BMPR1B: variants seen among roughly 807,000 people sequenced by gnomAD.
BMPR1B encodes bone morphogenetic protein receptor type-1B.
A neutral mutation model predicts 59.1 loss-of-function variants in BMPR1B; 12 were observed. The observed-to-expected ratio is 0.20, with a 90% confidence interval of 0.13 to 0.33. The LOEUF (loss-of-function observed/expected upper bound fraction) is 0.33. BMPR1B is among the 10% of genes least tolerant of loss of function. BMPR1B has a pLI of 1.00. For synonymous variants in BMPR1B, 237 were observed against 207.3 expected (o/e 1.14, Z -1.23); for missense variants, 550 against 610.9 (o/e 0.90, Z 1.05).
intron 1 of BMPR1B, among the ~76,000 whole-genome samples, chr4:94,845,132 TATATC>T (rs1429437391): frequency 9.9e-5 from 15 of 152,228 alleles, no homozygotes; most frequent in Admixed American, 7.8e-4. Flanking sequence ...ATAAAATAAA[TATATC>T]ATAGATGAAA....
intron 2 of BMPR1B, among the ~76,000 whole-genome samples, chr4:94,955,529 T>C (rs2149060041): frequency 6.6e-6 from 1 of 152,266 alleles, no homozygotes; most frequent in South Asian, 2.1e-4. Flanking sequence ...GCTAATAATG[T>C]TAATACTAAT....
At chr4:94,944,532 A>G (rs2149047418) in intron 2 of BMPR1B, among the ~76,000 whole-genome samples, 1 of 152,332 alleles carries the variant, frequency 6.6e-6, no homozygotes, top group South Asian at 2.1e-4. Context: ...GTAGACATGT[A>G]TGTGATAACT....
At chr4:94,821,048 T>TTTATAAACAGTGACTTAAGTG (rs1465210022) in intron 1 of BMPR1B, among the ~76,000 whole-genome samples, 7 of 152,240 alleles carry the variant, frequency 4.6e-5, no homozygotes, top group Admixed American at 4.6e-4. Context: ...CTGGAACCAG[T>TTTATAAACAGTGACTTAAGTG]ACTTAAGTGT....
chr4:95,084,325 G>C (rs1254135925), intron 3 of BMPR1B, among the ~76,000 whole-genome samples: 1 of 151,620 alleles, frequency 6.6e-6, no homozygotes, highest in Non-Finnish European at 1.5e-5. Flanking sequence ...ATACGTGTGT[G>C]TGTATGTATA....
At chr4:95,116,421 G>GCGCGCACACATACACACACACACACACA in intron 6 of BMPR1B, among the ~76,000 whole-genome samples, 1 of 123,198 alleles carries the variant, frequency 8.1e-6, no homozygotes, top group African/African-American at 3.6e-5. Context: ...TTCAGCGCGC[G>GCGCGCACACATACACACACACACACACA]CACACACACA....
At chr4:94,866,018 A>G (rs1449745052) in intron 1 of BMPR1B, among the ~76,000 whole-genome samples, 1 of 152,176 alleles carries the variant, frequency 6.6e-6, no homozygotes, top group African/African-American at 2.4e-5. Flanking sequence ...GCTTATGCCT[A>G]AACCTTTGGC....
intron 1 of BMPR1B, among the ~76,000 whole-genome samples, chr4:94,761,547 A>C (rs956742108): frequency 2.0e-5 from 3 of 151,480 alleles, no homozygotes; most frequent in Non-Finnish European, 4.4e-5. Flanking sequence ...TACCAGTTTA[A>C]CTCCCAGAAC....
At chr4:94,913,009 G>A (rs1390629202) in intron 2 of BMPR1B, among the ~76,000 whole-genome samples, 1 of 150,976 alleles carries the variant, frequency 6.6e-6, no homozygotes, top group Admixed American at 6.6e-5. Flanking sequence ...TGTTAAAATT[G>A]TTTAAAATTC....
chr4:94,971,225 T>C (rs1223296582), intron 2 of BMPR1B, among the ~76,000 whole-genome samples: 1 of 152,176 alleles, frequency 6.6e-6, no homozygotes, highest in African/African-American at 2.4e-5. Flanking sequence ...TGGATGTGTT[T>C]TAGATGAGTT....
At chr4:94,766,963 A>G (rs1452940055) in intron 1 of BMPR1B, among the ~76,000 whole-genome samples, 1 of 152,140 alleles carries the variant, frequency 6.6e-6, no homozygotes, top group African/African-American at 2.4e-5. Context: ...CCTTATTTTA[A>G]GTATTCTCGG....
chr4:94,801,318 C>T (rs1429610772), intron 1 of BMPR1B, among the ~76,000 whole-genome samples: 1 of 152,156 alleles, frequency 6.6e-6, no homozygotes, highest in African/African-American at 2.4e-5. Context: ...GGAAACTATT[C>T]CTCTCAGCTA....
At chr4:94,985,547 GTGTGTGTGTGTTGGCCA>G (rs1484907795) in intron 2 of BMPR1B, among the ~76,000 whole-genome samples, 1 of 140,482 alleles carries the variant, frequency 7.1e-6, no homozygotes, top group Non-Finnish European at 1.6e-5. Flanking sequence ...GTGTGTGTGT[GTGTGTGTGTGTTGGCCA>G]TTGTCAACAA....
At position 94,800,486 on chromosome 4, in the gene BMPR1B, T is replaced by C. The variant is rs542926183; in HGVS notation, c.-183+42418T>C. On this transcript the variant is annotated intron_variant, in intron 1 of 12. Transcript: ENST00000515059. ...TTTTTTTGGTCAGCAAGTGGCCTTT[T>C]AGTGAAAAAGACAAGGACTGTTAAG... Among the ~76,000 whole-genome samples the C allele has an allele frequency of 2.7e-5, 4 of 150,850 alleles. No individual in the cohort carries two copies. The East Asian group carries it at 7.8e-4, about 29-fold the overall frequency.
rs187853943 is a variant in BMPR1B at position 94,777,085 on chromosome 4, A to G, written c.-183+19017A>G. ...TATCTATTTTCCTTATTTTTATCAT[A>G]ACAGTACAGTGAACATCTTTATGAA... is the stretch of plus-strand genomic sequence containing the variant. On this transcript the variant is annotated intron_variant, in intron 1 of 12. Transcript: ENST00000515059. Among the ~76,000 whole-genome samples the G allele has an allele frequency of 1.1e-3, 163 of 152,290 alleles. 1 individual carries two copies. Among genetic ancestry groups the G allele is most frequent in the African/African-American group, 3.5e-3 (147 of 41,568 alleles).
chr4:95,032,030 G>C (rs1336070425), intron 3 of BMPR1B, among the ~76,000 whole-genome samples: 1 of 152,172 alleles, frequency 6.6e-6, no homozygotes, highest in South Asian at 2.1e-4. Context: ...AGTCTCTGGA[G>C]CTCTTTTCAT....
chr4:94,836,658 G>A lies in BMPR1B; in HGVS notation c.-182-39173G>A, dbSNP rs1036519794. Among the ~76,000 whole-genome samples, 5 of 146,572 alleles carry A rather than the reference G, an allele frequency of 3.4e-5. 1 individual carries two copies. The highest frequency in any genetic ancestry group is 1.3e-4 in the African/African-American group (5 of 39,436). On this transcript the variant is annotated intron_variant, in intron 1 of 12. Coordinates refer to ENST00000515059, the MANE Select transcript of BMPR1B (RefSeq NM_001203.3). ...AGTTCATTGTAGATTCTGGATATTA[G>A]CCCTTTGTCAGATGAGTAGGTTGCG...
chr4:94,950,449 C>T (rs1436016610), intron 2 of BMPR1B, among the ~76,000 whole-genome samples: 1 of 152,088 alleles, frequency 6.6e-6, no homozygotes, highest in Non-Finnish European at 1.5e-5. Flanking sequence ...TTTAATCCAT[C>T]TTGAGTTAAT....
At chr4:94,948,885 G>A (rs1178780350) in intron 2 of BMPR1B, among the ~76,000 whole-genome samples, 3 of 152,200 alleles carry the variant, frequency 2.0e-5, no homozygotes, top group African/African-American at 7.2e-5. Context: ...GCCAAGGAGT[G>A]TGGGTGTTGC....
chr4:94,860,164 T>A (rs900687408), intron 1 of BMPR1B, among the ~76,000 whole-genome samples: 3 of 152,168 alleles, frequency 2.0e-5, no homozygotes, highest in Non-Finnish European at 2.9e-5. Flanking sequence ...GTTGAAAGAA[T>A]TTAACAAATT....
Sources: allele counts gnomAD v4.1 joint callset (sites outside exome capture counted in the v4.1 genomes callset), GRCh38; gene constraint gnomAD v4.1.1; transcripts MANE v1.5; gene names NCBI Gene and HGNC (gene_info 2026-07-23, HGNC 2026-07-21).